WDR72: variants seen among roughly 807,000 people sequenced by gnomAD.
WDR72 encodes WD repeat-containing protein 72.
A neutral mutation model predicts 124.2 loss-of-function variants in WDR72; 120 were observed. The ratio of observed to expected loss-of-function variants is 0.97; its 90% CI spans 0.83 to 1.12. The LOEUF (loss-of-function observed/expected upper bound fraction) is 1.12, where lower values mean the gene tolerates loss of function less well. Among genes scored for constraint, WDR72 ranks in the 50% most tolerant of loss-of-function variants. The pLI is 0.00. For missense variants in WDR72, 1,387 were observed against 1,278.8 expected, an observed-to-expected ratio of 1.08 and a Z score of -1.29; for synonymous variants, 452 against 441.7, an observed-to-expected ratio of 1.02 and a Z score of -0.29.
chr15:53,671,820 C>G lies in WDR72; in HGVS notation c.1766-6052G>C, dbSNP rs1217207937. ...GTGTTGTCTTGACCTGTGAACTAGC[C>G]ATTTCTTGCTTCGTGGACTACAGAA... On this transcript the variant is annotated intron_variant, in intron 13 of 19. Coordinates refer to ENST00000360509, the MANE Select transcript of WDR72 (RefSeq NM_182758.4). Among the ~76,000 whole-genome samples the G allele has an allele frequency of 2.0e-5, 3 of 152,008 alleles. No individual in the cohort carries two copies. The East Asian group carries it at 5.8e-4, about 29-fold the overall frequency.
chr15:53,718,352 A>G (rs899958749), intron 3 of WDR72, among the ~76,000 whole-genome samples: 2 of 152,200 alleles, frequency 1.3e-5, no homozygotes, highest in African/African-American at 2.4e-5. Flanking sequence ...AATCAGGCCA[A>G]TTAATTCACA....
At chr15:53,653,111 A>C (rs920155246) in intron 14 of WDR72, among the ~76,000 whole-genome samples, 2 of 152,112 alleles carry the variant, frequency 1.3e-5, no homozygotes, top group African/African-American at 4.8e-5. Flanking sequence ...TTTTTCTGTC[A>C]GTCATTTATA....
At chr15:53,579,286 G>A (rs117667272) in intron 18 of WDR72, among the ~76,000 whole-genome samples, 2,631 of 152,162 alleles carry the variant, frequency 0.017, 34 homozygotes, top group Non-Finnish European at 0.025. Flanking sequence ...AATTGCCCCA[G>A]GACAGGTTAC....
At chr15:53,736,809 C>T (rs1462767893) in intron 1 of WDR72, among the ~76,000 whole-genome samples, 2 of 151,778 alleles carry the variant, frequency 1.3e-5, no homozygotes, top group Admixed American at 6.6e-5. Flanking sequence ...CAGGGTAGCA[C>T]GTTTACAGGA....
chr15:53,604,609 TA>T (rs1453558084), intron 17 of WDR72, among the ~76,000 whole-genome samples: 1 of 135,950 alleles, frequency 7.4e-6, no homozygotes, highest in Non-Finnish European at 1.6e-5. Flanking sequence ...ATCCAGAGTC[TA>T]CAAAGAACTT....
At chr15:53,688,241 G>C (rs1173046392) in intron 13 of WDR72, among the ~76,000 whole-genome samples, 1 of 149,510 alleles carries the variant, frequency 6.7e-6, no homozygotes, top group African/African-American at 2.5e-5. Context: ...GGAAAGAAAG[G>C]GTATTCAATT....
At chr15:53,727,169 G>T (rs1267816219) in intron 2 of WDR72, among the ~76,000 whole-genome samples, 3 of 148,318 alleles carry the variant, frequency 2.0e-5, no homozygotes, top group Non-Finnish European at 4.4e-5. Flanking sequence ...AAAATTAGCT[G>T]GGTGTAGTGG....
chr15:53,704,319 T>C (rs2017272634), intron 11 of WDR72, among the ~76,000 whole-genome samples: 1 of 152,200 alleles, frequency 6.6e-6, no homozygotes, highest in Non-Finnish European at 1.5e-5. Context: ...GTAAAGCATG[T>C]AGAATACATT....
chr15:53,706,371 T>TACATATATATATATATATATATATAC (rs1567040197), intron 9 of WDR72, among the ~76,000 whole-genome samples: 4 of 52,638 alleles, frequency 7.6e-5, no homozygotes, highest in African/African-American at 2.9e-4. Context: ...TATATATATA[T>TACATATATATATATATATATATATAC]ATATATATAT....
chr15:53,711,355 T>C lies in WDR72; in HGVS notation c.838A>G (p.Ile280Val), dbSNP rs775060273. The C allele has an allele frequency of 6.2e-7, 1 of 1,614,182 alleles. No individual in the cohort carries two copies. The highest frequency in any genetic ancestry group is 1.1e-5 in the South Asian group (1 of 91,082). Residue 280 changes from isoleucine to valine, a missense_variant, in exon 8 of 20, where the codon ATC becomes GTC. By Grantham distance (29) the Ile-to-Val change is conservative. Transcript: ENST00000360509. ...GCCCACCTGTTCAGCAGCTGATAGA[T>C]GTAACTGTGACCATCTTCTGTCCAG... ...LIWTEDGHSY[I>V]YQLLNSGLSK...
At chr15:53,524,782 CT>C (rs2140215801) in intron 18 of WDR72, among the ~76,000 whole-genome samples, 1 of 152,144 alleles carries the variant, frequency 6.6e-6, no homozygotes, top group Admixed American at 6.6e-5. Flanking sequence ...CATGAAATTG[CT>C]ATTTTCAATA....
At chr15:53,661,699 A>C (rs2015615549) in intron 14 of WDR72, among the ~76,000 whole-genome samples, 1 of 152,220 alleles carries the variant, frequency 6.6e-6, no homozygotes, top group Non-Finnish European at 1.5e-5. Context: ...AAAAGGAGAA[A>C]GAAATGGGTG....
chr15:53,617,707 A>G lies in WDR72; in HGVS notation c.1963-1464T>C, dbSNP rs1007268204. Among the ~76,000 whole-genome samples the G allele has an allele frequency of 1.3e-5, 2 of 151,954 alleles. 1 individual carries two copies. The highest frequency in any genetic ancestry group is 2.9e-5 in the Non-Finnish European group (2 of 67,922). On this transcript the variant is annotated intron_variant, in intron 14 of 19. Coordinates refer to ENST00000360509, the MANE Select transcript of WDR72 (RefSeq NM_182758.4). ...ATGAAAAATTTTTACTACAAGTAGT[A>G]ACCAGAAAAATGAAATTAAAATAAT...
intron 2 of WDR72, among the ~76,000 whole-genome samples, chr15:53,728,805 G>C (rs939381851): frequency 2.0e-5 from 3 of 152,110 alleles, no homozygotes; most frequent in Non-Finnish European, 4.4e-5. Flanking sequence ...CAAAATTCTG[G>C]GGAAACTAGA....
chr15:53,681,926 T>C (rs760020524), intron 13 of WDR72, among the ~76,000 whole-genome samples: 15 of 152,152 alleles, frequency 9.9e-5, no homozygotes, highest in Non-Finnish European at 1.8e-4. Flanking sequence ...AAATAAGTCA[T>C]GGATACCTAA....
intron 1 of WDR72, among the ~76,000 whole-genome samples, chr15:53,756,114 T>A (rs1012369543): frequency 3.3e-5 from 5 of 152,146 alleles, no homozygotes; most frequent in African/African-American, 1.2e-4. Context: ...CCCACCCAAA[T>A]CTCATCTTGC....
rs138337403 is a variant in WDR72, at chr15:53,602,325, A to C, written c.2953-5051T>G. ...ACAATATACCAGAATCTCTGGGACA[A>C]AGCTAAGGTAGGGTTAAGAGAGTAA... On this transcript the variant is annotated intron_variant, in intron 17 of 19. Transcript: ENST00000360509. Among the ~76,000 whole-genome samples, 6 of 152,146 alleles carry C rather than the reference A, an allele frequency of 3.9e-5. 1 individual carries two copies. Among genetic ancestry groups the C allele is most frequent in the African/African-American group, 1.4e-4 (6 of 41,556 alleles).
intron 18 of WDR72, among the ~76,000 whole-genome samples, chr15:53,561,789 G>C (rs1219687325): frequency 6.6e-6 from 1 of 151,690 alleles, no homozygotes; most frequent in East Asian, 1.9e-4. Context: ...CCCTACTATA[G>C]ACCAATTAAA....
At chr15:53,538,828 C>T (rs1297579579) in intron 18 of WDR72, among the ~76,000 whole-genome samples, 1 of 152,068 alleles carries the variant, frequency 6.6e-6, no homozygotes, top group African/African-American at 2.4e-5. Flanking sequence ...TCTATAAAAG[C>T]AGCTGAAATA....
Sources: gnomAD v4.1 joint callset for allele counts (sites outside exome capture counted in the v4.1 genomes callset) on GRCh38, gnomAD v4.1.1 for gene constraint, MANE v1.5 for transcripts, NCBI Gene and HGNC (gene_info 2026-07-23, HGNC 2026-07-21) for gene names.